UXS1: variants seen among roughly 807,000 people sequenced by gnomAD.
UXS1 encodes UDP-glucuronic acid decarboxylase 1.
UXS1 carries 33 observed loss-of-function variants against 62.6 expected under a neutral mutation model. The ratio of observed to expected loss-of-function variants is 0.53; its 90% CI spans 0.40 to 0.70. The LOEUF (loss-of-function observed/expected upper bound fraction) is 0.70, where lower values mean the gene tolerates loss of function less well. Among genes scored for constraint, UXS1 ranks in the 30% least tolerant of loss-of-function variants. The pLI is 0.00. For synonymous variants in UXS1, 213 were observed against 206.8 expected (o/e 1.03, Z -0.26); for missense variants, 434 against 556.3 (o/e 0.78, Z 2.21).
At position 106,098,782 on chromosome 2, in the gene UXS1, G is replaced by T. The variant is rs369860103; in HGVS notation, c.985-9C>A. On this transcript the variant is annotated splice_polypyrimidine_tract_variant and intron_variant, in intron 12 of 14. Coordinates refer to ENST00000283148, the MANE Select transcript of UXS1 (RefSeq NM_001253875.2). ...TGTTCTTCTGGGTTCCCCTAAGAAA[G>T]AAACGGTTTCCAGTTATAAGCGTCA... 6.8e-5 allele frequency: 109 copies of T among 1,610,624 alleles called. No individual in the cohort carries two copies. The highest frequency in any genetic ancestry group is 1.7e-4 in the South Asian group (15 of 90,432).
intron 1 of UXS1, among the ~76,000 whole-genome samples, chr2:106,188,517 G>T (rs986196772): frequency 1.3e-5 from 2 of 152,234 alleles, no homozygotes; most frequent in Non-Finnish European, 2.9e-5. Context: ...TCTCTGGAGA[G>T]GGTGGAATCA....
At chr2:106,157,066 A>G (rs1440681147) in intron 5 of UXS1, among the ~76,000 whole-genome samples, 1 of 152,186 alleles carries the variant, frequency 6.6e-6, no homozygotes, top group Non-Finnish European at 1.5e-5. Flanking sequence ...CAAAAAACAG[A>G]TTAGTGGTTG....
chr2:106,181,194 G>A (rs1034693131), intron 1 of UXS1, among the ~76,000 whole-genome samples: 5 of 152,102 alleles, frequency 3.3e-5, no homozygotes, highest in African/African-American at 1.2e-4. Flanking sequence ...CTAAGCATCA[G>A]GGCCCTCATC....
chr2:106,156,207 C>A (rs1172096859), intron 5 of UXS1, among the ~76,000 whole-genome samples: 1 of 151,520 alleles, frequency 6.6e-6, no homozygotes, highest in African/African-American at 2.4e-5. Flanking sequence ...GAAAAATAAC[C>A]CAATTAAAGA....
chr2:106,194,157 A>G lies in UXS1; in HGVS notation c.85T>C (p.Tyr29His). 6.7e-7 allele frequency: 1 copy of G among 1,482,134 alleles called. No homozygotes were observed. The highest frequency in any genetic ancestry group is 9.0e-7 in the Non-Finnish European group (1 of 1,114,760). The allele number at this position is 1,482,134 out of a possible 1,614,324, so 91.8% of individuals were successfully genotyped here. ...KLLLGIALLA[Y>H]VASVWGNFVN... The stretch of plus-strand genomic sequence containing the variant: ...GCGGGCGCGCACTCACAGGCGACGT[A>G]GGCCAGCAAGGCGATGCCCAGCAGC... Residue 29 changes from tyrosine to histidine, a missense_variant, in exon 1 of 15, where the codon TAC becomes CAC. Physicochemically the swap from Tyr to His is moderately conservative, Grantham distance 83. Transcript: ENST00000283148.
chr2:106,194,128 G>C lies in UXS1; in HGVS notation c.94+20C>G. ...GGGGAATGAATGGGGCTCCCCAGCT[G>C]GCAGCGGGCGCGCACTCACAGGCGA... On this transcript the variant is annotated intron_variant, in intron 1 of 14. Transcript: ENST00000283148. The C allele has an allele frequency of 6.8e-7, 1 of 1,463,320 alleles. No individual in the cohort carries two copies. Among genetic ancestry groups the C allele is most frequent in the South Asian group, 1.3e-5 (1 of 78,042 alleles). 90.6% of individuals were successfully genotyped at this position (1,463,320 alleles called of 1,614,324 possible). A position where few individuals can be genotyped will look rare whatever the true frequency, so the allele number is the denominator to read the frequency against.
intron 1 of UXS1, among the ~76,000 whole-genome samples, chr2:106,167,537 A>C (rs571726808): frequency 6.6e-6 from 1 of 151,762 alleles, no homozygotes; most frequent in African/African-American, 2.4e-5. Context: ...TGAAATTCCC[A>C]CTCTCAAGAA....
At chr2:106,104,200 T>C (rs368053152) in intron 11 of UXS1, among the ~76,000 whole-genome samples, 1 of 152,160 alleles carries the variant, frequency 6.6e-6, no homozygotes, top group Non-Finnish European at 1.5e-5. Flanking sequence ...ACTGCTTCTA[T>C]CCTAACTACT....
At chr2:106,159,619 A>C (rs1449442254) in intron 4 of UXS1, among the ~76,000 whole-genome samples, 1 of 152,232 alleles carries the variant, frequency 6.6e-6, no homozygotes, top group Non-Finnish European at 1.5e-5. Flanking sequence ...AAAGTGCTTT[A>C]AATAAAATCT....
intron 14 of UXS1, among the ~76,000 whole-genome samples, chr2:106,094,589 A>C (rs2104815011): frequency 6.6e-6 from 1 of 152,290 alleles, no homozygotes; most frequent in South Asian, 2.1e-4. Flanking sequence ...CATCTGATCA[A>C]CACGCCTGAT....
intron 1 of UXS1, among the ~76,000 whole-genome samples, chr2:106,177,718 G>C (rs916282267): frequency 2.0e-5 from 3 of 152,194 alleles, no homozygotes; most frequent in African/African-American, 7.2e-5. Context: ...ACCAGATACT[G>C]AATCTGCTGG....
At chr2:106,184,676 G>A (rs1166851330) in intron 1 of UXS1, among the ~76,000 whole-genome samples, 1 of 152,124 alleles carries the variant, frequency 6.6e-6, no homozygotes, top group Admixed American at 6.5e-5. Flanking sequence ...ATGCATGAGG[G>A]CTCTGCCTCC....
chr2:106,165,934 A>T, intron 2 of UXS1, 122 bp downstream of exon 2: 1 of 911,152 alleles, frequency 1.1e-6, no homozygotes, highest in South Asian at 2.2e-5. Context: ...GTGAATAGCA[A>T]GAACCCACTT....
At chr2:106,127,897 C>G (rs760799500) in intron 7 of UXS1, among the ~76,000 whole-genome samples, 6 of 152,196 alleles carry the variant, frequency 3.9e-5, no homozygotes, top group Non-Finnish European at 8.8e-5. Context: ...ACTCTAACAG[C>G]ACTTTGCTGA....
chr2:106,105,914 C>T (rs541739804), intron 10 of UXS1, among the ~76,000 whole-genome samples: 1 of 152,242 alleles, frequency 6.6e-6, no homozygotes, highest in Admixed American at 6.5e-5. Context: ...TTATAACAAC[C>T]CTGGGGTCTC....
At chr2:106,137,365 T>C (rs1032479494) in intron 6 of UXS1, among the ~76,000 whole-genome samples, 21 of 152,198 alleles carry the variant, frequency 1.4e-4, no homozygotes, top group African/African-American at 4.8e-4. Context: ...CTGCTACACC[T>C]ACTTCCAAGC....
At chr2:106,112,518 G>C in intron 10 of UXS1, 128 bp downstream of exon 10, 3 of 1,409,060 alleles carry the variant, frequency 2.1e-6, no homozygotes, top group Non-Finnish European at 2.8e-6. Flanking sequence ...CTTAGTGGAG[G>C]GTAGCGGGTA....
chr2:106,138,862 A>G (rs912773679), intron 6 of UXS1: 17 of 985,356 alleles, frequency 1.7e-5, no homozygotes, highest in African/African-American at 5.2e-5. Context: ...AACATTAACA[A>G]TAACTCCAGT....
At chr2:106,148,796 C>G (rs1681787034) in intron 5 of UXS1, among the ~76,000 whole-genome samples, 1 of 152,148 alleles carries the variant, frequency 6.6e-6, no homozygotes, top group Non-Finnish European at 1.5e-5. Context: ...TCACCAAACC[C>G]AAGGATATTC....
Sources: gnomAD v4.1 joint callset for allele counts (sites outside exome capture counted in the v4.1 genomes callset) on GRCh38, gnomAD v4.1.1 for gene constraint, MANE v1.5 for transcripts, NCBI Gene and HGNC (gene_info 2026-07-23, HGNC 2026-07-21) for gene names.